TMEM132D: variants seen among roughly 807,000 people sequenced by gnomAD.
TMEM132D encodes transmembrane protein 132D.
TMEM132D carries 21 observed loss-of-function variants against 62.3 expected under a neutral mutation model. That is an observed-to-expected ratio of 0.34 (90% CI 0.24 to 0.49). The LOEUF is 0.49. Among genes scored for constraint, TMEM132D ranks in the 20% least tolerant of loss-of-function variants. TMEM132D has a pLI of 0.99. For missense variants in TMEM132D, 1,346 were observed against 1,402.8 expected (o/e 0.96, Z 0.65); for synonymous variants, 621 against 575.6 (o/e 1.08, Z -1.13).
intron 3 of TMEM132D, among the ~76,000 whole-genome samples, chr12:129,428,049 TA>T (rs1226034913): frequency 4.0e-5 from 6 of 151,290 alleles, no homozygotes. Flanking sequence ...ACCTACCCAA[TA>T]AACAAAAACA....
At chr12:129,597,337 T>C (rs1878365599) in intron 2 of TMEM132D, among the ~76,000 whole-genome samples, 1 of 152,194 alleles carries the variant, frequency 6.6e-6, no homozygotes, top group Non-Finnish European at 1.5e-5. Flanking sequence ...AACCAGAATG[T>C]CATAAATTAT....
intron 3 of TMEM132D, among the ~76,000 whole-genome samples, chr12:129,519,610 C>CTTTTTTTTTTT (rs35695419): frequency 6.8e-6 from 1 of 147,000 alleles, no homozygotes; most frequent in Non-Finnish European, 1.5e-5. Context: ...GATAAGAATG[C>CTTTTTTTTTTT]TTTTTTTTTT....
intron 3 of TMEM132D, among the ~76,000 whole-genome samples, chr12:129,513,273 A>T (rs893639473): frequency 6.6e-6 from 1 of 152,102 alleles, no homozygotes; most frequent in Non-Finnish European, 1.5e-5. Flanking sequence ...AGGGAACCTA[A>T]CCACTCCCTC....
At chr12:129,171,299 T>A (rs987818872) in intron 5 of TMEM132D, among the ~76,000 whole-genome samples, 6 of 152,204 alleles carry the variant, frequency 3.9e-5, no homozygotes, top group African/African-American at 1.4e-4. Flanking sequence ...ATCTTCAGGC[T>A]CTACTTCTAC....
intron 5 of TMEM132D, among the ~76,000 whole-genome samples, chr12:129,130,782 C>T (rs11060151): frequency 2.6e-5 from 4 of 152,092 alleles, no homozygotes; most frequent in South Asian, 2.1e-4. Context: ...AGGAGTACAA[C>T]GGTGCATATT....
intron 3 of TMEM132D, among the ~76,000 whole-genome samples, chr12:129,369,802 G>A (rs1244776610): frequency 1.3e-5 from 2 of 152,224 alleles, no homozygotes; most frequent in African/African-American, 4.8e-5. Context: ...GGAGGGAAGA[G>A]GCTTCTCTTA....
At chr12:129,640,695 C>G (rs895121022) in intron 2 of TMEM132D, among the ~76,000 whole-genome samples, 12 of 152,162 alleles carry the variant, frequency 7.9e-5, no homozygotes, top group Non-Finnish European at 1.8e-4. Context: ...TAACAAGGGT[C>G]CCCAACCCCC....
chr12:129,817,759 G>A (rs1361812140), intron 1 of TMEM132D, among the ~76,000 whole-genome samples: 1 of 136,662 alleles, frequency 7.3e-6, no homozygotes. Context: ...TGTGGGGTAT[G>A]TGTGTCTGTG....
chr12:129,691,966 T>TC (rs1404033593), intron 2 of TMEM132D, among the ~76,000 whole-genome samples: 2 of 151,822 alleles, frequency 1.3e-5, no homozygotes, highest in East Asian at 3.9e-4. Context: ...AATTATTAAC[T>TC]CCCCCAAAAA....
chr12:129,513,714 T>C (rs944717704), intron 3 of TMEM132D, among the ~76,000 whole-genome samples: 4 of 151,594 alleles, frequency 2.6e-5, no homozygotes, highest in African/African-American at 9.7e-5. Context: ...CTCGATCTCC[T>C]GACCTCATGA....
At chr12:129,586,674 C>T (rs1469486861) in intron 2 of TMEM132D, among the ~76,000 whole-genome samples, 1 of 152,208 alleles carries the variant, frequency 6.6e-6, no homozygotes, top group Non-Finnish European at 1.5e-5. Flanking sequence ...CCCAAAGTCC[C>T]ACCTCCTAAT....
At chr12:129,181,812 A>C (rs11830026) in intron 5 of TMEM132D, among the ~76,000 whole-genome samples, 3,486 of 152,202 alleles carry the variant, frequency 0.023, 133 homozygotes, top group African/African-American at 0.079. Flanking sequence ...CTCTTCCTCT[A>C]TGTAGAAGTG....
chr12:129,339,817 G>A (rs1869410403), intron 3 of TMEM132D, among the ~76,000 whole-genome samples: 1 of 152,148 alleles, frequency 6.6e-6, no homozygotes, highest in African/African-American at 2.4e-5. Context: ...TTATATAACA[G>A]AATTAGCATT....
chr12:129,102,237 G>A (rs931730123), intron 5 of TMEM132D, among the ~76,000 whole-genome samples: 8 of 152,138 alleles, frequency 5.3e-5, no homozygotes, highest in South Asian at 2.1e-4. Flanking sequence ...TCTTGCGTAC[G>A]CAGAGACTCA....
At chr12:129,195,369 C>T (rs1036641209) in intron 5 of TMEM132D, among the ~76,000 whole-genome samples, 5 of 151,888 alleles carry the variant, frequency 3.3e-5, no homozygotes, top group Non-Finnish European at 5.9e-5. Flanking sequence ...ATGGAATAGG[C>T]CTTAGAGGCA....
intron 4 of TMEM132D, among the ~76,000 whole-genome samples, chr12:129,245,303 A>G (rs1488406217): frequency 6.6e-6 from 1 of 152,198 alleles, no homozygotes; most frequent in East Asian, 1.9e-4. Context: ...TTGGATCAAT[A>G]CAGTGTGTAG....
chr12:129,878,406 C>A (rs1443505938), intron 1 of TMEM132D, among the ~76,000 whole-genome samples: 3 of 152,140 alleles, frequency 2.0e-5, no homozygotes, highest in Non-Finnish European at 4.4e-5. Flanking sequence ...CTATTCTGTG[C>A]TGTGGGTTCA....
At chr12:129,515,293 C>T (rs1324935850) in intron 3 of TMEM132D, among the ~76,000 whole-genome samples, 1 of 152,118 alleles carries the variant, frequency 6.6e-6, no homozygotes, top group African/African-American at 2.4e-5. Flanking sequence ...GAACTAATTT[C>T]AGAAAAGACG....
At chr12:129,101,391 G>T (rs975058413) in intron 5 of TMEM132D, among the ~76,000 whole-genome samples, 4 of 152,192 alleles carry the variant, frequency 2.6e-5, no homozygotes, top group Non-Finnish European at 5.9e-5. Flanking sequence ...TTTGGTAGCT[G>T]GTATGACCAG....
Sources: allele counts gnomAD v4.1 joint callset (sites outside exome capture counted in the v4.1 genomes callset), GRCh38; gene constraint gnomAD v4.1.1; transcripts MANE v1.5; gene names NCBI Gene and HGNC (gene_info 2026-07-23, HGNC 2026-07-21).